Variants in CPNE5 observed in about 807,000 individuals in gnomAD.
CPNE5 encodes copine 5.
Under a neutral mutation model 81.1 loss-of-function variants are expected in CPNE5, and 42 were observed. The ratio of observed to expected loss-of-function variants is 0.52; its 90% confidence interval spans 0.40 to 0.67. The LOEUF (loss-of-function observed/expected upper bound fraction) is 0.67. Among genes scored for constraint, CPNE5 ranks in the 30% least tolerant of loss-of-function variants. The pLI, the probability that CPNE5 is intolerant of heterozygous loss-of-function variation, is 0.00. For missense variants in CPNE5, 612 were observed against 815.5 expected (o/e 0.75, Z 3.04); for synonymous variants, 313 against 321.5 (o/e 0.97, Z 0.28).
chr6:36,789,947 AC>A (rs1459942645), intron 8 of CPNE5, among the ~76,000 whole-genome samples: 1 of 152,076 alleles, frequency 6.6e-6, no homozygotes. Context: ...TCATCTCTAG[AC>A]TGCCCTGTAC....
rs1289927666 is a variant in CPNE5, at chr6:36,820,168, G to A, written c.183+1946C>T. ...CAGGAGCTAGTGGCTCCCAGGACCG[G>A]ACCCCTCATCCTGACCCAGTTCCCC... On this transcript the variant is annotated intron_variant, in intron 3 of 20. Coordinates refer to ENST00000244751, the MANE Select transcript of CPNE5 (RefSeq NM_020939.2). 3.9e-5 allele frequency among the ~76,000 whole-genome samples: 6 copies of A among 152,164 alleles called. No individual in the cohort carries two copies. The East Asian group carries it at 1.2e-3, about 29-fold the overall frequency.
intron 12 of CPNE5, among the ~76,000 whole-genome samples, chr6:36,761,805 G>T (rs571250609): frequency 6.6e-6 from 1 of 152,278 alleles, no homozygotes; most frequent in Non-Finnish European, 1.5e-5. Flanking sequence ...CAGTTATTTG[G>T]GTTATAAGTA....
Position 36,750,561 on chromosome 6 carries a change from T to A in CPNE5, c.972-2294A>T, listed in dbSNP as rs561381341. 2.6e-5 allele frequency among the ~76,000 whole-genome samples: 4 copies of A among 152,248 alleles called. No individual in the cohort carries two copies. In the East Asian group the frequency reaches 7.7e-4, roughly 29 times the overall value. ...ATCATCTCCCCACCCAACCCTGCCA[T>A]CCCACAGATGAAAAACAGACCTTTA... On this transcript the variant is annotated intron_variant, in intron 14 of 20. Transcript: ENST00000244751.
chr6:36,756,112 CATCT>C, intron 13 of CPNE5, 129 bp downstream of exon 13: 4 of 523,824 alleles, frequency 7.6e-6, no homozygotes, highest in Admixed American at 3.0e-5. Flanking sequence ...CTCCCCACCC[CATCT>C]CTCTTGGATG....
chr6:36,798,438 T>C lies in CPNE5; in HGVS notation c.327+17A>G, dbSNP rs1385945315. 6 of 1,613,226 alleles carry C rather than the reference T, an allele frequency of 3.7e-6. No homozygotes were observed. Among genetic ancestry groups the C allele is most frequent in the African/African-American group, 1.3e-5 (1 of 75,026 alleles). Reference sequence around the variant, plus strand: ...CAGAAACTATGGAATTGCTGAGCAGTTACTGGCAGAACTCACGTGTTTGGA... The same window carrying C: ...CAGAAACTATGGAATTGCTGAGCAGCTACTGGCAGAACTCACGTGTTTGGA... On this transcript the variant is annotated intron_variant, in intron 5 of 20. Coordinates refer to ENST00000244751, the MANE Select transcript of CPNE5 (RefSeq NM_020939.2).
intron 18 of CPNE5, chr6:36,744,631 T>C: frequency 2.0e-6 from 1 of 496,090 alleles, no homozygotes; most frequent in Admixed American, 3.4e-5. Flanking sequence ...GGGAGCCATG[T>C]TCCTGAGCTT....
chr6:36,830,775 T>C (rs1772922237), intron 1 of CPNE5, among the ~76,000 whole-genome samples: 1 of 152,074 alleles, frequency 6.6e-6, no homozygotes, highest in Non-Finnish European at 1.5e-5. Flanking sequence ...GCCTGTGGAG[T>C]TGCTGTGAAG....
At chr6:36,751,401 C>T (rs970731258) in intron 14 of CPNE5, among the ~76,000 whole-genome samples, 9 of 152,354 alleles carry the variant, frequency 5.9e-5, no homozygotes, top group African/African-American at 1.9e-4. Flanking sequence ...ACCATCTAGG[C>T]GTGTGGCTTC....
chr6:36,812,008 G>A (rs1461546023), intron 3 of CPNE5, among the ~76,000 whole-genome samples: 2 of 152,292 alleles, frequency 1.3e-5, no homozygotes, highest in Non-Finnish European at 2.9e-5. Context: ...GGAGGCTGAG[G>A]CAGGAGAATT....
In CPNE5 at chr6:36,810,410, C is replaced by T. The variant is rs1479234254; in HGVS notation, c.184-10340G>A. On this transcript the variant is annotated intron_variant, in intron 3 of 20. Transcript: ENST00000244751. ...GGATTCTAAAAGCCTCGCTGCAGAG[C>T]CCAGCCCTGGCCCCTCATGAATCAT... Among the ~76,000 whole-genome samples the T allele has an allele frequency of 2.0e-5, 3 of 152,232 alleles. No individual in the cohort carries two copies. In the East Asian group the frequency reaches 5.8e-4, roughly 29 times the overall value.
intron 12 of CPNE5, among the ~76,000 whole-genome samples, chr6:36,761,591 T>G (rs959064574): frequency 6.6e-6 from 1 of 152,156 alleles, no homozygotes; most frequent in African/African-American, 2.4e-5. Context: ...ATGAGGACAG[T>G]GCCAGGATGG....
intron 10 of CPNE5, among the ~76,000 whole-genome samples, chr6:36,770,360 C>T (rs1766943453): frequency 6.6e-6 from 1 of 152,180 alleles, no homozygotes; most frequent in Non-Finnish European, 1.5e-5. Context: ...AGACCCGGCT[C>T]CTAGGGTTAT....
At chr6:36,758,021 G>A (rs1765655172) in intron 12 of CPNE5, among the ~76,000 whole-genome samples, 1 of 152,156 alleles carries the variant, frequency 6.6e-6, no homozygotes, top group African/African-American at 2.4e-5. Flanking sequence ...ATCAGAGCAG[G>A]CTCTAGGACA....
In CPNE5 at chr6:36,742,403, C is replaced by G; in HGVS notation, c.1647G>C (p.Glu549Asp). ...MARLARDVLA[E>D]IPDQLVSYMK... ...TGTAGGACACCAGTTGGTCAGGGATCTCTGCCAGCACGTCTCGGGCCAGGC... is the reference window on the plus strand; with the variant it reads ...TGTAGGACACCAGTTGGTCAGGGATGTCTGCCAGCACGTCTCGGGCCAGGC... The change falls in exon 21 of 21, where the codon GAG becomes GAC. Residue 549 changes from glutamate (E) to aspartate (D), a missense_variant. Glu to Asp is a conservative substitution (Grantham distance 45, BLOSUM62 2). Transcript: ENST00000244751. 1.9e-6 allele frequency: 3 copies of G among 1,613,778 alleles called. No individual in the cohort carries two copies. Among genetic ancestry groups the G allele is most frequent in the South Asian group, 2.2e-5 (2 of 91,084 alleles).
chr6:36,777,775 CA>C (rs1562126545), intron 9 of CPNE5, among the ~76,000 whole-genome samples: 1 of 15,388 alleles, frequency 6.5e-5, no homozygotes, highest in Non-Finnish European at 1.8e-4. Context: ...ACCACACACA[CA>C]CACACACACA....
intron 3 of CPNE5, among the ~76,000 whole-genome samples, chr6:36,817,589 C>T (rs1202497587): frequency 6.6e-6 from 1 of 152,206 alleles, no homozygotes; most frequent in Non-Finnish European, 1.5e-5. Context: ...TGAACACCAG[C>T]CATGCTCCTC....
chr6:36,806,681 G>A (rs955864081), intron 3 of CPNE5, among the ~76,000 whole-genome samples: 1 of 152,190 alleles, frequency 6.6e-6, no homozygotes, highest in Non-Finnish European at 1.5e-5. Context: ...TCACAAACAT[G>A]TTTACACACA....
chr6:36,760,972 G>T (rs1019234102), intron 12 of CPNE5, among the ~76,000 whole-genome samples: 2 of 152,250 alleles, frequency 1.3e-5, no homozygotes, highest in Non-Finnish European at 2.9e-5. Flanking sequence ...TGTGCAGACA[G>T]TGCTTCTGCC....
intron 12 of CPNE5, among the ~76,000 whole-genome samples, chr6:36,762,302 ATG>A (rs1491234208): frequency 7.1e-6 from 1 of 140,710 alleles, no homozygotes; most frequent in African/African-American, 2.7e-5. Context: ...ACACACATAC[ATG>A]CACACACACA....
Sources: gnomAD v4.1 joint callset for allele counts (sites outside exome capture counted in the v4.1 genomes callset) on GRCh38, gnomAD v4.1.1 for gene constraint, MANE v1.5 for transcripts, NCBI Gene and HGNC (gene_info 2026-07-23, HGNC 2026-07-21) for gene names.